Variants in CREBL2 observed in about 807,000 individuals in gnomAD.
CREBL2 encodes cAMP-responsive element-binding protein-like 2.
Under a neutral mutation model 19.5 loss-of-function variants are expected in CREBL2, and 4 were observed. The observed-to-expected ratio is 0.20, with a 90% CI of 0.10 to 0.47. The LOEUF is 0.47. CREBL2 is among the 20% of genes least tolerant of loss of function. CREBL2 has a pLI of 0.98. For missense variants in CREBL2, 85 were observed against 145.1 expected (o/e 0.59, Z 2.13); for synonymous variants, 42 against 46.6 (o/e 0.90, Z 0.40).
chr12:12,636,046 A>C (rs1945472494), intron 2 of CREBL2, 72 bp downstream of exon 2: 1 of 1,360,118 alleles, frequency 7.4e-7, no homozygotes, highest in East Asian at 2.4e-5. Flanking sequence ...AAAATACGAA[A>C]ATACCAGTTA....
At chr12:12,635,022 A>G (rs890250867) in intron 1 of CREBL2, among the ~76,000 whole-genome samples, 3 of 151,876 alleles carry the variant, frequency 2.0e-5, no homozygotes, top group Non-Finnish European at 4.4e-5. Context: ...TGATGGTGCC[A>G]CTGTGCTCCA....
chr12:12,614,806 T>A, intron 1 of CREBL2: 1 of 386,398 alleles, frequency 2.6e-6, no homozygotes, highest in Non-Finnish European at 5.1e-6. Flanking sequence ...GAATGCTGGG[T>A]AACATTGTAG....
chr12:12,618,366 G>A (rs1283446500), intron 1 of CREBL2, among the ~76,000 whole-genome samples: 2 of 152,028 alleles, frequency 1.3e-5, no homozygotes, highest in African/African-American at 4.8e-5. Flanking sequence ...TGGCGGTGGG[G>A]CAGAGACACT....
chr12:12,616,934 G>A (rs1432112352), intron 1 of CREBL2, among the ~76,000 whole-genome samples: 1 of 152,224 alleles, frequency 6.6e-6, no homozygotes, highest in Non-Finnish European at 1.5e-5. Context: ...AGCAGTTATA[G>A]AGAGGTAGTA....
intron 2 of CREBL2, among the ~76,000 whole-genome samples, chr12:12,636,196 A>G (rs1945473783): frequency 6.6e-6 from 1 of 152,174 alleles, no homozygotes; most frequent in African/African-American, 2.4e-5. Flanking sequence ...TGAGAGAAGA[A>G]AATGGAAAAT....
intron 3 of CREBL2, among the ~76,000 whole-genome samples, chr12:12,639,005 A>G (rs1364952230): frequency 3.3e-5 from 5 of 152,024 alleles, no homozygotes; most frequent in Admixed American, 3.3e-4. Context: ...CCATGAATCT[A>G]CTTTCTGTCT....
intron 1 of CREBL2, among the ~76,000 whole-genome samples, chr12:12,629,219 T>TTAA (rs1166356512): frequency 1.3e-5 from 2 of 152,244 alleles, no homozygotes; most frequent in Non-Finnish European, 2.9e-5. Context: ...TATTCCTTTC[T>TTAA]TAATAATAAT....
chr12:12,624,731 CTT>C (rs1566108283), intron 1 of CREBL2, among the ~76,000 whole-genome samples: 1 of 152,218 alleles, frequency 6.6e-6, no homozygotes, highest in Non-Finnish European at 1.5e-5. Context: ...TCAGTGGACT[CTT>C]TGCCTTTTCT....
intron 1 of CREBL2, among the ~76,000 whole-genome samples, chr12:12,629,710 A>G (rs953962802): frequency 1.3e-5 from 2 of 152,178 alleles, no homozygotes; most frequent in African/African-American, 2.4e-5. Context: ...AGCATTCAGT[A>G]TTCTACCATT....
chr12:12,642,954 T>C lies in CREBL2; in HGVS notation c.*956T>C, dbSNP rs1945536017. ...GTTTCTGAAGAAAATTGGATGAAAT[T>C]AGCTGCTGAGATTGAGTTTCTGCCT... On this transcript the variant is annotated 3_prime_UTR_variant, in exon 4 of 4. Coordinates refer to ENST00000228865, the MANE Select transcript of CREBL2 (RefSeq NM_001310.4). 6.6e-6 allele frequency: 1 copy of C among 152,648 alleles called. No individual in the cohort carries two copies. Among genetic ancestry groups the C allele is most frequent in the Non-Finnish European group, 1.5e-5 (1 of 68,034 alleles). The allele number at this position is 152,648 out of a possible 1,614,324, so 9.5% of individuals were successfully genotyped here.
intron 1 of CREBL2, among the ~76,000 whole-genome samples, chr12:12,617,663 TTTTTTTTTTTTTTTTTTTA>T (rs1375729812): frequency 8.6e-6 from 1 of 116,062 alleles, no homozygotes; most frequent in Non-Finnish European, 1.8e-5. Context: ...TTTTTTTTTT[TTTTTTTTTTTTTTTTTTTA>T]GTATTTATTG....
rs1420731791 is a variant in CREBL2 at position 12,643,908 on chromosome 12, A to G, written c.*1910A>G. 1 of 152,558 alleles carries G rather than the reference A, an allele frequency of 6.6e-6. No individual in the cohort carries two copies. The highest frequency in any genetic ancestry group is 2.4e-5 in the African/African-American group (1 of 41,414). The allele number at this position is 152,558 out of a possible 1,614,324, so 9.5% of individuals were successfully genotyped here. On this transcript the variant is annotated 3_prime_UTR_variant, in exon 4 of 4. Transcript: ENST00000228865. ...CTGGTCCACTCAATTGTATATTTTT[A>G]TTTTGCAAAACAACCCAAAACTTAC...
intron 1 of CREBL2, among the ~76,000 whole-genome samples, chr12:12,617,950 G>A (rs1945325556): frequency 6.6e-6 from 1 of 151,828 alleles, no homozygotes; most frequent in Non-Finnish European, 1.5e-5. Flanking sequence ...ACCCTGAGTG[G>A]ACACAGCACA....
chr12:12,624,885 G>A (rs1945389150), intron 1 of CREBL2, among the ~76,000 whole-genome samples: 1 of 152,156 alleles, frequency 6.6e-6, no homozygotes, highest in African/African-American at 2.4e-5. Context: ...GTGAATGCAG[G>A]GGATTTTATT....
intron 1 of CREBL2, among the ~76,000 whole-genome samples, chr12:12,631,444 A>G (rs1185798028): frequency 4.6e-5 from 7 of 152,248 alleles, no homozygotes; most frequent in Admixed American, 1.3e-4. Flanking sequence ...TAGAACAGGA[A>G]AAAAAGCTAG....
intron 1 of CREBL2, among the ~76,000 whole-genome samples, chr12:12,634,166 G>A (rs1304246541): frequency 7.6e-6 from 1 of 130,894 alleles, no homozygotes; most frequent in East Asian, 2.4e-4. Flanking sequence ...GGCATTATTG[G>A]AATAAATGTA....
intron 1 of CREBL2, among the ~76,000 whole-genome samples, chr12:12,620,587 A>G (rs12822507): frequency 0.32 from 49,421 of 152,068 alleles, 8,287 homozygotes; most frequent in East Asian, 0.41. Flanking sequence ...TCTACAGATA[A>G]TTCAGAAACC....
intron 1 of CREBL2, among the ~76,000 whole-genome samples, chr12:12,620,242 C>T (rs367879374): frequency 6.8e-6 from 1 of 148,128 alleles, no homozygotes; most frequent in African/African-American, 2.5e-5. Context: ...TTTTCTTTTT[C>T]TTTTTTTTTT....
chr12:12,618,203 T>G, intron 1 of CREBL2, among the ~76,000 whole-genome samples: 1 of 150,750 alleles, frequency 6.6e-6, no homozygotes, highest in African/African-American at 2.5e-5. Context: ...ACGGGGCGGC[T>G]GCCGGGCGGA....
Sources: allele counts gnomAD v4.1 joint callset (sites outside exome capture counted in the v4.1 genomes callset), GRCh38; gene constraint gnomAD v4.1.1; transcripts MANE v1.5; gene names NCBI Gene and HGNC (gene_info 2026-07-23, HGNC 2026-07-21).